AGBL1: variants seen among roughly 807,000 people sequenced by gnomAD.
AGBL1 encodes the protein cytosolic carboxypeptidase 4.
Under a neutral mutation model 118.9 loss-of-function variants are expected in AGBL1, and 130 were observed. The ratio of observed to expected loss-of-function variants is 1.09; its 90% confidence interval spans 0.95 to 1.26. The LOEUF (loss-of-function observed/expected upper bound fraction) is 1.26, where lower values mean the gene tolerates loss of function less well. Among genes scored for constraint, AGBL1 ranks in the 50% most tolerant of loss-of-function variants. The probability of loss-of-function intolerance (pLI) is 0.00; values close to 1 mark genes in which losing one functional copy is unlikely to be tolerated. For missense variants in AGBL1, 1,584 were observed against 1,298.1 expected, an observed-to-expected ratio of 1.22 and a Z score of -3.38; for synonymous variants, 555 against 478.9, an observed-to-expected ratio of 1.16 and a Z score of -2.08.
intron 18 of AGBL1, among the ~76,000 whole-genome samples, chr15:86,471,793 T>C (rs1194027261): frequency 6.6e-6 from 1 of 152,170 alleles, no homozygotes; most frequent in Non-Finnish European, 1.5e-5. Context: ...TTAAGGGTGA[T>C]GTAGTAGGTC....
At chr15:86,596,707 A>G (rs1469190814) in intron 21 of AGBL1, among the ~76,000 whole-genome samples, 3 of 152,038 alleles carry the variant, frequency 2.0e-5, no homozygotes, top group Admixed American at 6.6e-5. Flanking sequence ...AACCATAAAT[A>G]TCTTACCTTC....
intron 18 of AGBL1, among the ~76,000 whole-genome samples, chr15:86,416,503 C>A (rs1854284270): frequency 6.6e-6 from 1 of 152,038 alleles, no homozygotes; most frequent in Non-Finnish European, 1.5e-5. Context: ...ACTCAGCCAG[C>A]AAGACTCCTT....
intron 22 of AGBL1, among the ~76,000 whole-genome samples, chr15:86,717,695 GATCT>G (rs2086658404): frequency 7.7e-6 from 1 of 129,094 alleles, no homozygotes; most frequent in African/African-American, 2.5e-5. Context: ...GGACTTCAGG[GATCT>G]TTGTTTTTTG....
intron 5 of AGBL1, among the ~76,000 whole-genome samples, chr15:86,196,249 G>C (rs570265168): frequency 6.6e-6 from 1 of 152,160 alleles, no homozygotes; most frequent in African/African-American, 2.4e-5. Flanking sequence ...TAGGATGGAC[G>C]TCAGGGTTGG....
intron 17 of AGBL1, among the ~76,000 whole-genome samples, chr15:86,357,959 A>G (rs2080747267): frequency 6.6e-6 from 1 of 152,138 alleles, no homozygotes; most frequent in South Asian, 2.1e-4. Flanking sequence ...GTGCAGATAC[A>G]TTGTGAAATG....
chr15:86,783,364 C>T (rs1166562220), intron 22 of AGBL1, among the ~76,000 whole-genome samples: 1 of 152,176 alleles, frequency 6.6e-6, no homozygotes, highest in Non-Finnish European at 1.5e-5. Context: ...CTCTGGGGAT[C>T]TCCAGAAAGT....
chr15:86,590,042 A>G (rs935651204), intron 21 of AGBL1, among the ~76,000 whole-genome samples: 1 of 152,202 alleles, frequency 6.6e-6, no homozygotes, highest in African/African-American at 2.4e-5. Flanking sequence ...GATAAAAGGA[A>G]TCCAGTTTAT....
chr15:86,581,262 G>C (rs909628890), intron 21 of AGBL1, among the ~76,000 whole-genome samples: 11 of 152,088 alleles, frequency 7.2e-5, no homozygotes, highest in Admixed American at 5.2e-4. Context: ...GCAAAAGAAA[G>C]GAAGGCAAAT....
At chr15:86,945,953 T>A (rs1450737811) in intron 23 of AGBL1, among the ~76,000 whole-genome samples, 1 of 152,196 alleles carries the variant, frequency 6.6e-6, no homozygotes, top group Non-Finnish European at 1.5e-5. Flanking sequence ...TTCATGTGCG[T>A]TATCTGATTT....
intron 22 of AGBL1, among the ~76,000 whole-genome samples, chr15:86,757,771 C>T (rs534480034): frequency 6.6e-5 from 10 of 152,078 alleles, no homozygotes; most frequent in South Asian, 2.1e-4. Context: ...CATTATGCCT[C>T]TCTAAGCGGA....
At position 86,877,730 on chromosome 15, in the gene AGBL1, A is replaced by G. The variant is rs576812260; in HGVS notation, c.3159-29357A>G. 2.4e-4 allele frequency among the ~76,000 whole-genome samples: 36 copies of G among 152,302 alleles called. No homozygotes were observed. In the South Asian group the frequency reaches 7.5e-3, roughly 32 times the overall value. On this transcript the variant is annotated intron_variant, in intron 22 of 22. Transcript: ENST00000614907. ...GAAACACATCCAGACAAAGAAGCCC[A>G]AGGGACACTTACTGCTCCATAATTT...
At chr15:86,631,468 C>T (rs1434382149) in intron 21 of AGBL1, among the ~76,000 whole-genome samples, 1 of 152,152 alleles carries the variant, frequency 6.6e-6, no homozygotes, top group African/African-American at 2.4e-5. Flanking sequence ...GTGTGACTTG[C>T]CAAGAGTCAA....
At chr15:86,093,492 A>T (rs1896164505) in intron 1 of AGBL1, among the ~76,000 whole-genome samples, 1 of 152,180 alleles carries the variant, frequency 6.6e-6, no homozygotes. Context: ...AATGTAAGAG[A>T]ACTGGTTACT....
At chr15:86,509,286 G>C (rs1053091172) in intron 18 of AGBL1, among the ~76,000 whole-genome samples, 4 of 152,096 alleles carry the variant, frequency 2.6e-5, no homozygotes, top group African/African-American at 7.2e-5. Context: ...GAAAGAGATG[G>C]AGAAGAAAAA....
chr15:86,936,532 A>G (rs2080677733), intron 23 of AGBL1, among the ~76,000 whole-genome samples: 1 of 152,206 alleles, frequency 6.6e-6, no homozygotes, highest in Non-Finnish European at 1.5e-5. Context: ...TTCTTCTCTG[A>G]CAAAAACAAG....
intron 21 of AGBL1, among the ~76,000 whole-genome samples, chr15:86,637,822 C>T (rs1052784054): frequency 6.6e-5 from 10 of 152,170 alleles, no homozygotes; most frequent in Admixed American, 3.9e-4. Context: ...TGAACTTTGT[C>T]ATGAGACTGT....
chr15:86,373,824 A>G (rs1301714990), intron 17 of AGBL1, among the ~76,000 whole-genome samples: 1 of 152,344 alleles, frequency 6.6e-6, no homozygotes, highest in African/African-American at 2.4e-5. Flanking sequence ...ATCTGTAGCC[A>G]TTTATATTTT....
intron 17 of AGBL1, among the ~76,000 whole-genome samples, chr15:86,375,657 G>A (rs1355476193): frequency 2.6e-5 from 4 of 152,158 alleles, no homozygotes; most frequent in African/African-American, 9.7e-5. Context: ...AAAGGTACTC[G>A]GCTGTGCTGA....
chr15:86,196,879 G>GCGCGCGCCCACACA (rs756313941), intron 5 of AGBL1, among the ~76,000 whole-genome samples: 1 of 116,962 alleles, frequency 8.5e-6, no homozygotes, highest in Non-Finnish European at 1.8e-5. Context: ...GCGCGCGCGC[G>GCGCGCGCCCACACA]CACACACACA....
Sources: gnomAD v4.1 joint callset for allele counts (sites outside exome capture counted in the v4.1 genomes callset) on GRCh38, gnomAD v4.1.1 for gene constraint, MANE v1.5 for transcripts, NCBI Gene and HGNC (gene_info 2026-07-23, HGNC 2026-07-21) for gene names.